Variants in CNN1 observed in about 807,000 individuals in gnomAD.
CNN1 encodes the protein calponin-1.
Under a neutral mutation model 35.3 loss-of-function variants are expected in CNN1, and 21 were observed. That is an observed-to-expected ratio of 0.60 (90% CI 0.42 to 0.86). The LOEUF is 0.86. Ranked by LOEUF, CNN1 falls within the 40% of genes least tolerant of loss-of-function variation. The pLI, the probability that CNN1 is intolerant of heterozygous loss-of-function variation, is 0.00. For synonymous variants in CNN1, 164 were observed against 161.8 expected (o/e 1.01, Z -0.10); for missense variants, 314 against 400.8 (o/e 0.78, Z 1.85).
At chr19:11,548,665 C>T (rs749103378) in intron 5 of CNN1, among the ~76,000 whole-genome samples, 3 of 152,042 alleles carry the variant, frequency 2.0e-5, no homozygotes, top group Non-Finnish European at 4.4e-5. Flanking sequence ...TGGTGAAACC[C>T]TGTCACTACC....
Position 11,543,593 on chromosome 19 carries a change from A to G in CNN1, c.185+2396A>G, listed in dbSNP as rs187679975. 1.6e-3 allele frequency among the ~76,000 whole-genome samples: 244 copies of G among 151,568 alleles called. 5 individuals carry two copies. The East Asian group carries it at 0.044, about 27-fold the overall frequency. On this transcript the variant is annotated intron_variant, in intron 2 of 6. Transcript: ENST00000252456. ...CAGGAGATCAAGACCATCCTGGCTA[A>G]CACGGTGAAACCCTGTCTCTACTAA...
intron 2 of CNN1, among the ~76,000 whole-genome samples, chr19:11,544,392 GTGACGAGCACCAAA>G (rs1252294573): frequency 6.6e-6 from 1 of 152,148 alleles, no homozygotes; most frequent in African/African-American, 2.4e-5. Context: ...GGAGGCTGGC[GTGACGAGCACCAAA>G]TGATTGAGCA....
In CNN1 at chr19:11,541,082, C is replaced by G; in HGVS notation, c.70C>G (p.Gln24Glu). The G allele has an allele frequency of 6.2e-7, 1 of 1,609,148 alleles. No homozygotes were observed. Among genetic ancestry groups the G allele is most frequent in the Non-Finnish European group, 8.5e-7 (1 of 1,177,610 alleles). Reference protein sequence around the residue: ...LSAEVKNKLAQKYDHQREQEL... With the variant: ...LSAEVKNKLAEKYDHQREQEL... ...TGCCCTCCCCTCGCCCCAGCTGGCCCAGAAGTATGACCACCAGCGGGAGCA... is the reference window on the plus strand; with the variant it reads ...TGCCCTCCCCTCGCCCCAGCTGGCCGAGAAGTATGACCACCAGCGGGAGCA... The change falls in exon 2 of 7, where the codon CAG becomes GAG. Residue 24 changes from glutamine (Q) to glutamate (E), a missense_variant. Physicochemically the swap from Gln to Glu is conservative, Grantham distance 29. Transcript: ENST00000252456.
At chr19:11,539,835 T>A (rs1165108562) in intron 1 of CNN1, 2 of 1,180,408 alleles carry the variant, frequency 1.7e-6, no homozygotes, top group African/African-American at 3.3e-5. Flanking sequence ...GGGCGGGTCC[T>A]CGGGCGAGAG....
At chr19:11,539,936 C>T in intron 1 of CNN1, 4 of 1,105,832 alleles carry the variant, frequency 3.6e-6, no homozygotes, top group East Asian at 2.0e-4. Context: ...AAGGCGGCCT[C>T]GGGGAGCCCG....
At chr19:11,539,932 G>C in intron 1 of CNN1, 1 of 1,110,840 alleles carries the variant, frequency 9.0e-7, no homozygotes. Context: ...TTATAAGGCG[G>C]CCTCGGGGAG....
intron 4 of CNN1, 94 bp downstream of exon 4, chr19:11,547,063 C>A: frequency 6.5e-7 from 1 of 1,543,908 alleles, no homozygotes; most frequent in Non-Finnish European, 8.9e-7. Flanking sequence ...GTGAAGGTGG[C>A]GGAGCGGGGG....
At chr19:11,539,263 A>G in intron 1 of CNN1, 1 of 1,226,576 alleles carries the variant, frequency 8.2e-7, no homozygotes, top group Non-Finnish European at 1.0e-6. Context: ...GTCTTCTGTT[A>G]ACCCTTCGTG....
chr19:11,547,962 T>C, intron 5 of CNN1, 55 bp downstream of exon 5: 1 of 1,423,042 alleles, frequency 7.0e-7, no homozygotes, highest in Non-Finnish European at 9.7e-7. Context: ...GGCACCCTGA[T>C]GTCTGAAGGC....
intron 2 of CNN1, among the ~76,000 whole-genome samples, chr19:11,543,485 AT>A: frequency 6.6e-6 from 1 of 151,146 alleles, no homozygotes; most frequent in Admixed American, 6.6e-5. Context: ...AATAATAATA[AT>A]AATAAAAGAG....
Position 11,541,177 on chromosome 19 carries a change from A to AT in CNN1, c.165_166insT (p.Asp56Ter). 2 of 1,595,326 alleles carry AT rather than the reference A, an allele frequency of 1.3e-6. No homozygotes were observed. The highest frequency in any genetic ancestry group is 1.7e-6 in the Non-Finnish European group (2 of 1,169,530). ...GCAACAACTTCATGGACGGCCTCAA[A>AT]GATGGCATCATTCTTTGCGAGTGAG... On this transcript the variant is annotated frameshift_variant, in exon 2 of 7. Coordinates refer to ENST00000252456, the MANE Select transcript of CNN1 (RefSeq NM_001299.6). LOFTEE classifies it high-confidence loss of function.
intron 2 of CNN1, chr19:11,542,186 C>CCTTCTT (rs140381103): frequency 6.6e-6 from 1 of 151,004 alleles, no homozygotes; most frequent in African/African-American, 2.4e-5. Flanking sequence ...CCTCGCCCGA[C>CCTTCTT]CTTCTTCTTC....
rs1972683778 is a variant in CNN1 at position 11,549,890 on chromosome 19, G to A, written c.*95G>A. 1 of 1,489,780 alleles carries A rather than the reference G, an allele frequency of 6.7e-7. No individual in the cohort carries two copies. The highest frequency in any genetic ancestry group is 2.0e-5 in the Admixed American group (1 of 49,328). 92.3% of individuals were successfully genotyped at this position (1,489,780 alleles called of 1,614,324 possible). A position where few individuals can be genotyped will look rare whatever the true frequency, so the allele number is the denominator to read the frequency against. ...CCAGCCGACCCCCTCTCCCTGCATG[G>A]CATCCTCCAGCCCCTGTAGAACTCA... On this transcript the variant is annotated 3_prime_UTR_variant, in exon 7 of 7. Coordinates refer to ENST00000252456, the MANE Select transcript of CNN1 (RefSeq NM_001299.6). This position sits in a 1 kb window ranked among gnomAD's most constrained non-coding sequence, Gnocchi z 5.2.
At chr19:11,542,572 C>T (rs959640825) in intron 2 of CNN1, among the ~76,000 whole-genome samples, 3 of 151,094 alleles carry the variant, frequency 2.0e-5, no homozygotes, top group Admixed American at 1.3e-4. Context: ...CCCAGTTCCA[C>T]TGCAATCTTT....
rs375046434 is a variant in CNN1 at position 11,546,889 on chromosome 19, G to T, written c.310G>T (p.Asp104Tyr). 1 of 1,614,114 alleles carries T rather than the reference G, an allele frequency of 6.2e-7. No individual in the cohort carries two copies. Among genetic ancestry groups the T allele is most frequent in the Non-Finnish European group, 8.5e-7 (1 of 1,180,058 alleles). Residue 104 changes from aspartate (D) to tyrosine (Y), a missense_variant, in exon 4 of 7, where the codon GAC (aspartate) becomes TAC (tyrosine). Asp to Tyr is a radical substitution (Grantham distance 160). Transcript: ENST00000252456. ...CACCAAGTATGGGGTGAAGCCCCAC[G>T]ACATTTTTGAGGCCAACGACCTGTT... ...AITKYGVKPH[D>Y]IFEANDLFEN...
In CNN1 at chr19:11,541,069, G is replaced by A. The variant is rs374107180; in HGVS notation, c.64-7G>A. ...TCTCTGTGCCCCCTGCCCTCCCCTC[G>A]CCCCAGCTGGCCCAGAAGTATGACC... On this transcript the variant is annotated splice_polypyrimidine_tract_variant and splice_region_variant and intron_variant, in intron 1 of 6. Transcript: ENST00000252456. 4.5e-5 allele frequency: 72 copies of A among 1,599,962 alleles called. No homozygotes were observed. The highest frequency in any genetic ancestry group is 1.9e-4 in the African/African-American group (14 of 74,420).
Position 11,550,023 on chromosome 19 carries a change from T to C in CNN1, c.*228T>C. 1.8e-6 allele frequency: 1 copy of C among 547,222 alleles called. No individual in the cohort carries two copies. Among genetic ancestry groups the C allele is most frequent in the Non-Finnish European group, 3.1e-6 (1 of 327,296 alleles). 33.9% of individuals were successfully genotyped at this position (547,222 alleles called of 1,614,324 possible). ...ACAGGGTCCAACATAGAGCCGGGTGTCCCCAACAGCGCCCAAAGGACGCAC... is the reference window on the plus strand; with the variant it reads ...ACAGGGTCCAACATAGAGCCGGGTGCCCCCAACAGCGCCCAAAGGACGCAC... On this transcript the variant is annotated 3_prime_UTR_variant, in exon 7 of 7. Coordinates refer to ENST00000252456, the MANE Select transcript of CNN1 (RefSeq NM_001299.6).
chr19:11,549,194 A>G lies in CNN1; in HGVS notation c.502-129A>G. 4 of 1,065,280 alleles carry G rather than the reference A, an allele frequency of 3.8e-6. 1 individual carries two copies. Among genetic ancestry groups the G allele is most frequent in the Non-Finnish European group, 5.1e-6 (4 of 780,468 alleles). The allele number at this position is 1,065,280 out of a possible 1,614,324, so 66.0% of individuals were successfully genotyped here. ...CAGAGCAAGACTCCGTCTCAAAAAAAAATAAATAAAATAAAATAAAAATTG... is the reference window on the plus strand; with the variant it reads ...CAGAGCAAGACTCCGTCTCAAAAAAGAATAAATAAAATAAAATAAAAATTG... On this transcript the variant is annotated intron_variant, in intron 5 of 6. Coordinates refer to ENST00000252456, the MANE Select transcript of CNN1 (RefSeq NM_001299.6). This position sits in a 1 kb window ranked among gnomAD's most constrained non-coding sequence, Gnocchi z 5.2.
chr19:11,543,272 C>T (rs1262063692), intron 2 of CNN1, among the ~76,000 whole-genome samples: 1 of 151,490 alleles, frequency 6.6e-6, no homozygotes, highest in Admixed American at 6.6e-5. Flanking sequence ...ATCGCTTGAG[C>T]CCTGGAGGTC....
Sources: allele counts gnomAD v4.1 joint callset (sites outside exome capture counted in the v4.1 genomes callset), GRCh38; gene constraint gnomAD v4.1.1; non-coding constraint Gnocchi (gnomAD v3.1); transcripts MANE v1.5; gene names NCBI Gene and HGNC (gene_info 2026-07-23, HGNC 2026-07-21).